The following THEMIS variants were observed in gnomAD, a reference collection of about 807,000 sequenced individuals.
The protein encoded by THEMIS is protein THEMIS.
A neutral mutation model predicts 52.6 loss-of-function variants in THEMIS; 37 were observed. The observed-to-expected ratio is 0.70, with a 90% CI of 0.54 to 0.93. The LOEUF is 0.93. Among genes scored for constraint, THEMIS ranks in the 40% least tolerant of loss-of-function variants. The pLI is 0.00. For synonymous variants in THEMIS, 292 were observed against 272.7 expected (o/e 1.07, Z -0.70); for missense variants, 808 against 763.1 (o/e 1.06, Z -0.69).
At chr6:127,701,245 G>A in the THEMIS span, among the ~76,000 whole-genome samples, 2 of 151,966 alleles carry the variant, frequency 1.3e-5, no homozygotes, top group African/African-American at 4.8e-5. Flanking sequence ...TATATAAACA[G>A]AATCATATAG....
In THEMIS at chr6:127,813,484, C is replaced by T. The variant is rs202107812; in HGVS notation, c.1157G>A (p.Gly386Glu). The T allele has an allele frequency of 9.3e-6, 15 of 1,613,976 alleles. No individual in the cohort carries two copies. Among genetic ancestry groups the T allele is most frequent in the East Asian group, 2.2e-5 (1 of 44,874 alleles). Residue 386 changes from glycine to glutamate, a missense_variant, in exon 4 of 6, where the codon GGG (glycine) becomes GAG (glutamate). Coordinates refer to ENST00000368248, the MANE Select transcript of THEMIS (RefSeq NM_001010923.3). ...TGACTGATGCACCAGAAACTGGTCCCCAACAGATACGGATGACAGCTTGTC... is the reference window on the plus strand; with the variant it reads ...TGACTGATGCACCAGAAACTGGTCCTCAACAGATACGGATGACAGCTTGTC... ...PHDKLSSVSV[G>E]DQFLVHQSET...
At chr6:127,853,017 T>C (rs1779483637) in intron 2 of THEMIS, among the ~76,000 whole-genome samples, 1 of 151,712 alleles carries the variant, frequency 6.6e-6, no homozygotes, top group Admixed American at 6.6e-5. Context: ...GTTTTCACTA[T>C]TCTAATAAGA....
intron 4 of THEMIS, among the ~76,000 whole-genome samples, chr6:127,802,644 T>C (rs1294720367): frequency 6.6e-6 from 1 of 152,190 alleles, no homozygotes; most frequent in Non-Finnish European, 1.5e-5. Context: ...TAATTTGAGT[T>C]ATAAAAAATA....
At chr6:127,882,996 C>T (rs888856104) in intron 1 of THEMIS, among the ~76,000 whole-genome samples, 1 of 151,908 alleles carries the variant, frequency 6.6e-6, no homozygotes, top group African/African-American at 2.4e-5. Context: ...ATTCACTAAG[C>T]ATCATTATTC....
intron 4 of THEMIS, among the ~76,000 whole-genome samples, chr6:127,775,142 G>A (rs1776518997): frequency 6.6e-6 from 1 of 152,154 alleles, no homozygotes; most frequent in African/African-American, 2.4e-5. Context: ...GGTTCTTCTT[G>A]ACGCCTGGCA....
intron 5 of THEMIS, among the ~76,000 whole-genome samples, chr6:127,713,305 G>A (rs1774044531): frequency 6.6e-6 from 1 of 151,850 alleles, no homozygotes; most frequent in African/African-American, 2.4e-5. Context: ...TCAGAGATGA[G>A]TCTTCTATGT....
intron 1 of THEMIS, among the ~76,000 whole-genome samples, chr6:127,886,161 C>T (rs270017): frequency 0.52 from 79,685 of 151,890 alleles, 21,740 homozygotes; most frequent in East Asian, 0.79. Context: ...TTCACCCAGA[C>T]ATTTCTTTGG....
At chr6:127,720,555 G>T (rs2114487097) in intron 4 of THEMIS, among the ~76,000 whole-genome samples, 1 of 152,016 alleles carries the variant, frequency 6.6e-6, no homozygotes, top group Non-Finnish European at 1.5e-5. Flanking sequence ...TTGTCAAATT[G>T]AATAAGATTA....
intron 5 of THEMIS, among the ~76,000 whole-genome samples, chr6:127,714,220 C>T (rs1214461834): frequency 1.3e-5 from 2 of 151,822 alleles, no homozygotes; most frequent in Non-Finnish European, 2.9e-5. Flanking sequence ...CGTGGTATAC[C>T]TGAATCATAC....
intron 5 of THEMIS, 64 bp from the exon 6 acceptor site, chr6:127,710,080 C>T: frequency 1.7e-6 from 2 of 1,208,942 alleles, no homozygotes; most frequent in Non-Finnish European, 2.3e-6. Context: ...AAGGAAACTG[C>T]CTGCTTTCAA....
At chr6:127,839,367 AT>A (rs1778970039) in intron 2 of THEMIS, among the ~76,000 whole-genome samples, 1 of 152,128 alleles carries the variant, frequency 6.6e-6, no homozygotes, top group Non-Finnish European at 1.5e-5. Flanking sequence ...GTAAGAATAT[AT>A]TCCTTTATGT....
intron 4 of THEMIS, among the ~76,000 whole-genome samples, chr6:127,810,766 C>T (rs368599649): frequency 7.9e-5 from 12 of 151,962 alleles, no homozygotes; most frequent in Middle Eastern, 3.4e-3. Context: ...GGCATTAATC[C>T]AATCAAGGCC....
intron 4 of THEMIS, among the ~76,000 whole-genome samples, chr6:127,804,190 T>G (rs1455007697): frequency 6.6e-6 from 1 of 151,952 alleles, no homozygotes; most frequent in East Asian, 1.9e-4. Flanking sequence ...CCAAAAAAGA[T>G]GAGAGAAAAA....
chr6:127,818,387 T>A (rs1464115786), intron 3 of THEMIS, among the ~76,000 whole-genome samples: 1 of 151,916 alleles, frequency 6.6e-6, no homozygotes, highest in Non-Finnish European at 1.5e-5. Flanking sequence ...TTTAAGACCA[T>A]ACCTAAGAAG....
intron 3 of THEMIS, among the ~76,000 whole-genome samples, chr6:127,816,816 T>C (rs1429942845): frequency 1.3e-5 from 2 of 152,184 alleles, no homozygotes; most frequent in Admixed American, 1.3e-4. Flanking sequence ...CTGGGTCTCA[T>C]CTGCTACTCC....
At chr6:127,833,998 T>A (rs930959717) in intron 2 of THEMIS, among the ~76,000 whole-genome samples, 3 of 152,276 alleles carry the variant, frequency 2.0e-5, no homozygotes, top group African/African-American at 7.2e-5. Flanking sequence ...AATAATAGTC[T>A]GAACTGAGAA....
chr6:127,907,366 T>TG (rs71028111), intron 1 of THEMIS, among the ~76,000 whole-genome samples: 1 of 123,654 alleles, frequency 8.1e-6, no homozygotes. Context: ...TTTTTTTTTT[T>TG]GCATGAGCGA....
At chr6:127,722,173 G>A (rs1774385476) in intron 4 of THEMIS, among the ~76,000 whole-genome samples, 1 of 151,954 alleles carries the variant, frequency 6.6e-6, no homozygotes, top group African/African-American at 2.4e-5. Context: ...AGTTCCCACA[G>A]TGGAGTCTCT....
intron 4 of THEMIS, among the ~76,000 whole-genome samples, chr6:127,787,822 GATAGATAGATAGATAGAGATAGACAGAT>G (rs200215169): frequency 2.0e-3 from 284 of 141,498 alleles, no homozygotes; most frequent in East Asian, 8.3e-3. Flanking sequence ...TAGATAGATA[GATAGATAGATAGATAGAGATAGACAGAT>G]ATAGATAGAT....
Sources: gnomAD v4.1 joint callset for allele counts (sites outside exome capture counted in the v4.1 genomes callset) on GRCh38, gnomAD v4.1.1 for gene constraint, MANE v1.5 for transcripts, NCBI Gene and HGNC (gene_info 2026-07-23, HGNC 2026-07-21) for gene names.